Variants in EPB41L4A observed in about 807,000 individuals in gnomAD.
The protein encoded by EPB41L4A is band 4.1-like protein 4A.
Under a neutral mutation model 108.6 loss-of-function variants are expected in EPB41L4A, and 100 were observed. The observed-to-expected ratio is 0.92, with a 90% confidence interval of 0.78 to 1.09. The LOEUF is 1.09. Ranked by LOEUF, EPB41L4A falls within the 50% of genes least tolerant of loss-of-function variation. The pLI, the probability that EPB41L4A is intolerant of heterozygous loss-of-function variation, is 0.00. For missense variants in EPB41L4A, 1,030 were observed against 842.7 expected (o/e 1.22, Z -2.75); for synonymous variants, 319 against 289.0 (o/e 1.10, Z -1.05).
chr5:112,262,507 A>G lies in EPB41L4A; in HGVS notation c.629T>C (p.Leu210Pro), dbSNP rs376731905. Residue 210 changes from leucine (L) to proline (P), a missense_variant, in exon 7 of 23, where the codon CTC (leucine) becomes CCC (proline). Coordinates refer to ENST00000261486, the MANE Select transcript of EPB41L4A (RefSeq NM_022140.5). ...AKSLEMYGVD[L>P]HPVYGENKSE... ...AATGTTACTCACATAGACGGGATGG[A>G]GGTCAACGCCATACATCTCCAGGGA... The G allele has an allele frequency of 6.8e-6, 11 of 1,613,618 alleles. No homozygotes were observed. In the African/African-American group the frequency reaches 1.3e-4, roughly 20 times the overall value.
At chr5:112,225,606 G>C (rs36049225) in intron 12 of EPB41L4A, among the ~76,000 whole-genome samples, 20,065 of 152,066 alleles carry the variant, frequency 0.13, 1,776 homozygotes, top group East Asian at 0.27. Flanking sequence ...TCTCAGAAAC[G>C]CTTCCCAAAG....
At chr5:112,167,293 T>C (rs1403665410) in intron 22 of EPB41L4A, among the ~76,000 whole-genome samples, 2 of 152,198 alleles carry the variant, frequency 1.3e-5, no homozygotes, top group African/African-American at 4.8e-5. Flanking sequence ...TCAGTCAGAA[T>C]GCAAAGCCTA....
rs1760049727 is a variant in EPB41L4A at position 112,163,600 on chromosome 5, C to G, written c.*1390G>C. The G allele has an allele frequency of 6.6e-6, 1 of 152,084 alleles. No homozygotes were observed. Among genetic ancestry groups the G allele is most frequent in the Non-Finnish European group, 1.5e-5 (1 of 68,038 alleles). 9.4% of individuals were successfully genotyped at this position (152,084 alleles called of 1,614,324 possible). ...AAATTCTCCCTGGGATTAAGTAACACAGTGATTGATATTAGTGGAGTAGAG... is the reference window on the plus strand; with the variant it reads ...AAATTCTCCCTGGGATTAAGTAACAGAGTGATTGATATTAGTGGAGTAGAG... On this transcript the variant is annotated 3_prime_UTR_variant, in exon 23 of 23. Transcript: ENST00000261486.
intron 22 of EPB41L4A, among the ~76,000 whole-genome samples, chr5:112,167,035 C>T (rs1760286691): frequency 6.7e-6 from 1 of 149,360 alleles, no homozygotes; most frequent in South Asian, 2.1e-4. Context: ...GAAAGCTATT[C>T]TTCCAACTTA....
intron 12 of EPB41L4A, 144 bp downstream of exon 12, chr5:112,234,489 TA>T (rs1397797644): frequency 1.1e-4 from 72 of 658,758 alleles, no homozygotes; most frequent in Non-Finnish European, 1.5e-4. Flanking sequence ...AAGATCAAAT[TA>T]AAATTTCTAA....
chr5:112,386,765 A>G (rs1435199572), intron 1 of EPB41L4A, among the ~76,000 whole-genome samples: 1 of 152,218 alleles, frequency 6.6e-6, no homozygotes, highest in Admixed American at 6.5e-5. Flanking sequence ...AGAGTAAAGA[A>G]AGATACTATA....
chr5:112,281,328 T>A (rs1752948874), intron 2 of EPB41L4A, among the ~76,000 whole-genome samples: 1 of 152,224 alleles, frequency 6.6e-6, no homozygotes, highest in Non-Finnish European at 1.5e-5. Context: ...CCTTTAAATC[T>A]CACAATTATT....
chr5:112,380,792 T>TAC (rs34831455), intron 1 of EPB41L4A, among the ~76,000 whole-genome samples: 8,311 of 141,096 alleles, frequency 0.059, 244 homozygotes, highest in Admixed American at 0.084. Flanking sequence ...ATCACACACA[T>TAC]ACACACACAC....
At chr5:112,260,748 C>G (rs187536587) in intron 7 of EPB41L4A, among the ~76,000 whole-genome samples, 38 of 152,130 alleles carry the variant, frequency 2.5e-4, no homozygotes, top group African/African-American at 8.7e-4. Context: ...GAGTAGATAC[C>G]AAGGACATGC....
chr5:112,205,331 C>T, intron 14 of EPB41L4A, 90 bp downstream of exon 14: 1 of 1,092,476 alleles, frequency 9.2e-7, no homozygotes, highest in Non-Finnish European at 1.4e-6. Flanking sequence ...TGTGATCAGC[C>T]ACCCAGCAGC....
intron 9 of EPB41L4A, among the ~76,000 whole-genome samples, chr5:112,247,164 C>T (rs1203144568): frequency 6.6e-6 from 1 of 151,932 alleles, no homozygotes; most frequent in Non-Finnish European, 1.5e-5. Flanking sequence ...GGTATAAATG[C>T]CCAAGTTTTC....
chr5:112,222,942 G>GTT (rs11399684), intron 12 of EPB41L4A, among the ~76,000 whole-genome samples: 4,943 of 140,124 alleles, frequency 0.035, 256 homozygotes, highest in African/African-American at 0.11. Flanking sequence ...AGTGAAACTA[G>GTT]TTTTTTTTTT....
At chr5:112,403,355 G>C (rs201422996) in intron 1 of EPB41L4A, among the ~76,000 whole-genome samples, 1 of 144,846 alleles carries the variant, frequency 6.9e-6, no homozygotes, top group Non-Finnish European at 1.5e-5. Context: ...AAAAAAAAAG[G>C]CAAGTCAGAG....
chr5:112,417,169 C>G (rs1435054244), intron 1 of EPB41L4A, among the ~76,000 whole-genome samples: 1 of 152,226 alleles, frequency 6.6e-6, no homozygotes, highest in Non-Finnish European at 1.5e-5. Context: ...ATTTGTAAAA[C>G]AAGATAAGCA....
intron 13 of EPB41L4A, among the ~76,000 whole-genome samples, chr5:112,145,040 G>A (rs1001028362): frequency 2.6e-5 from 4 of 152,114 alleles, no homozygotes; most frequent in African/African-American, 7.2e-5. Flanking sequence ...TTGTAATCCC[G>A]GCACTTTGGG....
chr5:112,305,918 A>G (rs1489069993), intron 2 of EPB41L4A, among the ~76,000 whole-genome samples: 1 of 152,188 alleles, frequency 6.6e-6, no homozygotes, highest in Non-Finnish European at 1.5e-5. Context: ...GTAAGAGGAA[A>G]AAAATGTTCT....
chr5:112,315,402 G>C lies in EPB41L4A; in HGVS notation c.100-7912C>G, dbSNP rs573951725. On this transcript the variant is annotated intron_variant, in intron 1 of 22. Transcript: ENST00000261486. ...GTCCAATAACTTATTCTCAGTAAGA[G>C]CTGCCTAAAAGTTCACTGAATTAAT... 5.9e-5 allele frequency among the ~76,000 whole-genome samples: 9 copies of C among 152,326 alleles called. No homozygotes were observed. In the East Asian group the frequency reaches 1.7e-3, roughly 29 times the overall value.
intron 12 of EPB41L4A, among the ~76,000 whole-genome samples, chr5:112,156,870 GAGA>G (rs750893717): frequency 1.7e-4 from 26 of 152,084 alleles, no homozygotes; most frequent in Admixed American, 9.2e-4. Flanking sequence ...TACCAAAAAG[GAGA>G]AGGAGTCCAA....
At chr5:112,354,249 T>G (rs981423640) in intron 1 of EPB41L4A, among the ~76,000 whole-genome samples, 6 of 152,096 alleles carry the variant, frequency 3.9e-5, no homozygotes, top group African/African-American at 1.4e-4. Flanking sequence ...TGTTGGAGAG[T>G]TGCTAAGGCT....
Sources: allele counts gnomAD v4.1 joint callset (sites outside exome capture counted in the v4.1 genomes callset), GRCh38; gene constraint gnomAD v4.1.1; transcripts MANE v1.5; gene names NCBI Gene and HGNC (gene_info 2026-07-23, HGNC 2026-07-21).